Variants in UCK2 observed in about 807,000 individuals in gnomAD.
UCK2 encodes the protein cytidine monophosphokinase 2.
UCK2 carries 6 observed loss-of-function variants against 30.8 expected under a neutral mutation model. The observed-to-expected ratio is 0.19, with a 90% CI of 0.11 to 0.38. UCK2 has a LOEUF of 0.38. Among genes scored for constraint, UCK2 ranks in the 10% least tolerant of loss-of-function variants. UCK2 has a pLI of 1.00. For missense variants in UCK2, 210 were observed against 339.8 expected, an observed-to-expected ratio of 0.62 and a Z score of 3.00; for synonymous variants, 125 against 133.6, an observed-to-expected ratio of 0.94 and a Z score of 0.45.
At chr1:165,885,468 C>A in intron 1 of UCK2, 1 of 396,954 alleles carries the variant, frequency 2.5e-6, no homozygotes, top group Non-Finnish European at 4.4e-6. Context: ...TTGACCTTCA[C>A]CTAACTTTGT....
chr1:165,907,439 A>G (rs1399737584), intron 6 of UCK2, among the ~76,000 whole-genome samples: 2 of 152,164 alleles, frequency 1.3e-5, no homozygotes, highest in Non-Finnish European at 2.9e-5. Flanking sequence ...CCCATTCATT[A>G]AGGGCTTACT....
intron 1 of UCK2, among the ~76,000 whole-genome samples, chr1:165,874,490 C>T (rs957816569): frequency 6.6e-6 from 1 of 152,132 alleles, no homozygotes; most frequent in East Asian, 1.9e-4. Flanking sequence ...GCATCCTCCC[C>T]CTGGCAGCCT....
At chr1:165,832,196 T>C (rs941661346) in intron 1 of UCK2, among the ~76,000 whole-genome samples, 3 of 152,380 alleles carry the variant, frequency 2.0e-5, no homozygotes, top group African/African-American at 7.2e-5. Context: ...GTTAATACTT[T>C]CTTGAGGGAG....
chr1:165,852,730 CCTT>C (rs1654628933), intron 1 of UCK2, among the ~76,000 whole-genome samples: 1 of 152,170 alleles, frequency 6.6e-6, no homozygotes, highest in African/African-American at 2.4e-5. Context: ...ATCTATCCTT[CCTT>C]ATATAAGTTC....
chr1:165,896,067 C>A lies in UCK2; in HGVS notation c.357-123C>A, dbSNP rs1331724888. ...ACCATATTAGCCAAGTCTTTAGCCC[C>A]CGCTTGAAGTCTGTGGGGGCAAGGA... On this transcript the variant is annotated intron_variant, in intron 3 of 6. Coordinates refer to ENST00000367879, the MANE Select transcript of UCK2 (RefSeq NM_012474.5). 14 of 1,278,290 alleles carry A rather than the reference C, an allele frequency of 1.1e-5. No individual in the cohort carries two copies. In the Admixed American group the frequency reaches 2.8e-4, roughly 26 times the overall value. The allele number at this position is 1,278,290 out of a possible 1,614,324, so 79.2% of individuals were successfully genotyped here.
At position 165,911,616 on chromosome 1, in the gene UCK2, G is replaced by T. The variant is rs943631867; in HGVS notation, c.*3793G>T. On this transcript the variant is annotated 3_prime_UTR_variant, in exon 7 of 7. Transcript: ENST00000367879. ...TGCTGTAAATAAAGACAGACAAAAA[G>T]GCTCTCGCCTTCTGTGTGATGCTTG... 9 of 152,220 alleles carry T rather than the reference G, an allele frequency of 5.9e-5. No individual in the cohort carries two copies. The highest frequency in any genetic ancestry group is 5.9e-4 in the Admixed American group (9 of 15,284). The allele number at this position is 152,220 out of a possible 1,614,324, so 9.4% of individuals were successfully genotyped here.
chr1:165,862,117 A>C (rs1311522804), intron 1 of UCK2, among the ~76,000 whole-genome samples: 1 of 152,182 alleles, frequency 6.6e-6, no homozygotes, highest in Admixed American at 6.5e-5. Flanking sequence ...ACTTGACGGA[A>C]ACCATCAGTC....
In UCK2 at chr1:165,827,998, C is replaced by T. The variant is rs1022161073; in HGVS notation, c.99+66C>T. On this transcript the variant is annotated intron_variant, in intron 1 of 6. Transcript: ENST00000367879. ...GTCCCTGGGCGGCGCATGTGGCCGG[C>T]GGCCGCGGGCCGTGTCAGTTGCGGC... is the stretch of plus-strand genomic sequence containing the variant. The T allele has an allele frequency of 9.3e-6, 11 of 1,184,502 alleles. No individual in the cohort carries two copies. The South Asian group carries it at 4.0e-4, about 43-fold the overall frequency. The allele number at this position is 1,184,502 out of a possible 1,614,324, so 73.4% of individuals were successfully genotyped here. A position where few individuals can be genotyped will look rare whatever the true frequency, so the allele number is the denominator to read the frequency against.
In UCK2 at chr1:165,890,245, T is replaced by C. The variant is rs145654595; in HGVS notation, c.141T>C (p.Asn47=). The change falls in exon 2 of 7, where the codon AAT becomes AAC. Residue 47 remains asparagine, a synonymous_variant. Coordinates refer to ENST00000367879, the MANE Select transcript of UCK2 (RefSeq NM_012474.5). ...CAKIVQLLGQ[N]EVDYRQKQVV... ...AGATCGTGCAGCTCCTGGGGCAGAATGAGGTGGACTATCGCCAGAAGCAGG... is the reference window on the plus strand; with the variant it reads ...AGATCGTGCAGCTCCTGGGGCAGAACGAGGTGGACTATCGCCAGAAGCAGG... 69 of 1,614,134 alleles carry C rather than the reference T, an allele frequency of 4.3e-5. No homozygotes were observed. In the African/African-American group the frequency reaches 6.5e-4, roughly 15 times the overall value.
rs766376540 is a variant in UCK2, at chr1:165,891,130, G to A, written c.260-96G>A. 1.3e-4 allele frequency: 140 copies of A among 1,060,568 alleles called. 1 individual carries two copies. The highest frequency in any genetic ancestry group is 4.2e-4 in the Middle Eastern group (2 of 4,764). 65.7% of individuals were successfully genotyped at this position (1,060,568 alleles called of 1,614,324 possible). A position where few individuals can be genotyped will look rare whatever the true frequency, so the allele number is the denominator to read the frequency against. On this transcript the variant is annotated intron_variant, in intron 2 of 6. Coordinates refer to ENST00000367879, the MANE Select transcript of UCK2 (RefSeq NM_012474.5). ...AGTATGATTACCTTTAAAGTGTGAT[G>A]TGCCCATATACATGTTTATGAGGAT...
chr1:165,890,477 C>A, intron 2 of UCK2, 114 bp downstream of exon 2: 1 of 1,075,470 alleles, frequency 9.3e-7, no homozygotes, highest in Non-Finnish European at 1.4e-6. Flanking sequence ...CTATCTAGAA[C>A]GTAGGGACTT....
At chr1:165,841,103 G>C (rs1448832569) in intron 1 of UCK2, among the ~76,000 whole-genome samples, 1 of 28,396 alleles carries the variant, frequency 3.5e-5, no homozygotes, top group South Asian at 2.2e-3. Context: ...ACGTATGTGT[G>C]TGTGTGTGTA....
intron 1 of UCK2, among the ~76,000 whole-genome samples, chr1:165,872,078 A>G (rs1463274138): frequency 1.6e-5 from 2 of 122,436 alleles, no homozygotes; most frequent in East Asian, 4.7e-4. Context: ...CTTATTTTTT[A>G]TTTTTATTTC....
At chr1:165,841,466 G>A (rs1040795693) in intron 1 of UCK2, among the ~76,000 whole-genome samples, 5 of 152,108 alleles carry the variant, frequency 3.3e-5, no homozygotes, top group African/African-American at 9.7e-5. Flanking sequence ...GATTACAGGC[G>A]TGAGCCACCG....
intron 1 of UCK2, among the ~76,000 whole-genome samples, chr1:165,862,103 A>T (rs543997187): frequency 6.6e-6 from 1 of 152,150 alleles, no homozygotes; most frequent in African/African-American, 2.4e-5. Context: ...CATCCTTGCT[A>T]AATACTTGAC....
At chr1:165,880,346 G>C (rs1655454172) in intron 1 of UCK2, among the ~76,000 whole-genome samples, 1 of 152,112 alleles carries the variant, frequency 6.6e-6, no homozygotes, top group African/African-American at 2.4e-5. Context: ...TGTCACCCAG[G>C]ACAAGGGGCC....
At chr1:165,900,182 G>A (rs920633425) in intron 4 of UCK2, 4 of 152,058 alleles carry the variant, frequency 2.6e-5, no homozygotes, top group South Asian at 2.1e-4. Flanking sequence ...CGAGGTTCCC[G>A]CGCTCCCACG....
At chr1:165,869,174 A>G (rs148813232) in intron 1 of UCK2, among the ~76,000 whole-genome samples, 1 of 152,212 alleles carries the variant, frequency 6.6e-6, no homozygotes, top group African/African-American at 2.4e-5. Flanking sequence ...TACAATAGTA[A>G]TGTCAAAGAT....
At chr1:165,873,705 C>A (rs1655259479) in intron 1 of UCK2, among the ~76,000 whole-genome samples, 2 of 152,120 alleles carry the variant, frequency 1.3e-5, no homozygotes, top group Admixed American at 1.3e-4. Context: ...CCTGATTTCC[C>A]TGTTTTTCCT....
Sources: gnomAD v4.1 joint callset for allele counts (sites outside exome capture counted in the v4.1 genomes callset) on GRCh38, gnomAD v4.1.1 for gene constraint, MANE v1.5 for transcripts, NCBI Gene and HGNC (gene_info 2026-07-23, HGNC 2026-07-21) for gene names.